The following SYNE1 variants were observed in gnomAD, a reference collection of about 807,000 sequenced individuals.
The protein encoded by SYNE1 is nesprin-1.
Under a neutral mutation model 1,111.0 loss-of-function variants are expected in SYNE1, and 616 were observed. The ratio of observed to expected loss-of-function variants is 0.55; its 90% CI spans 0.52 to 0.59. The LOEUF is 0.59. Ranked by LOEUF, SYNE1 falls within the 20% of genes least tolerant of loss-of-function variation. The pLI, the probability that SYNE1 is intolerant of heterozygous loss-of-function variation, is 0.00. For missense variants in SYNE1, 10,006 were observed against 10,417.0 expected (o/e 0.96, Z 1.72); for synonymous variants, 3,855 against 3,825.8 (o/e 1.01, Z -0.28).
chr6:152,326,820 CTT>C (rs1173762272), intron 78 of SYNE1, among the ~76,000 whole-genome samples, 187 bp from the exon 79 acceptor site: 1 of 152,116 alleles, frequency 6.6e-6, no homozygotes, highest in Non-Finnish European at 1.5e-5. Flanking sequence ...TTCTGCTATT[CTT>C]GTTATAATTT....
At chr6:152,193,740 G>A (rs111855459) in intron 127 of SYNE1, among the ~76,000 whole-genome samples, 1,823 of 152,000 alleles carry the variant, frequency 0.012, 19 homozygotes, top group Non-Finnish European at 0.015. Context: ...GGCCAGGCGC[G>A]GTAGCTCACG....
At chr6:152,317,301 T>A (rs2095754767) in intron 86 of SYNE1, among the ~76,000 whole-genome samples, 1 of 151,084 alleles carries the variant, frequency 6.6e-6, no homozygotes, top group Non-Finnish European at 1.5e-5. Flanking sequence ...TCATGGTTAA[T>A]TACAGCCTCA....
chr6:152,530,766 C>T lies in SYNE1; in HGVS notation c.130-4591G>A, dbSNP rs185322317. 5.5e-4 allele frequency among the ~76,000 whole-genome samples: 83 copies of T among 151,996 alleles called. No homozygotes were observed. The East Asian group carries it at 6.6e-3, about 12-fold the overall frequency. ...CCTCCCAAGTAGCTGGGACTACAGG[C>T]GCCCACCACCACACCCAGCTAATTT... On this transcript the variant is annotated intron_variant, in intron 4 of 145. Transcript: ENST00000367255.
chr6:152,425,571 A>T (rs2098338950), intron 38 of SYNE1, 24 bp from the exon 39 acceptor site: 1 of 1,613,862 alleles, frequency 6.2e-7, no homozygotes. Flanking sequence ...GACATTACGG[A>T]TCTCATCCTA....
chr6:152,409,325 T>G (rs2097967662), intron 43 of SYNE1, 99 bp from the exon 44 acceptor site: 1 of 1,283,382 alleles, frequency 7.8e-7, no homozygotes, highest in South Asian at 1.3e-5. Flanking sequence ...ATTGACCTTA[T>G]GCAGAAATTA....
intron 3 of SYNE1, among the ~76,000 whole-genome samples, chr6:152,556,811 CT>C (rs2099366750): frequency 6.6e-6 from 1 of 152,154 alleles, no homozygotes; most frequent in Non-Finnish European, 1.5e-5. Flanking sequence ...TGATGAAGGG[CT>C]TTCCCTGCTA....
intron 3 of SYNE1, among the ~76,000 whole-genome samples, chr6:152,622,990 T>C (rs1339075460): frequency 6.6e-6 from 1 of 152,162 alleles, no homozygotes. Flanking sequence ...TTGGCTTTTA[T>C]TGGCATGTCT....
intron 3 of SYNE1, among the ~76,000 whole-genome samples, chr6:152,613,801 G>C (rs1164545306): frequency 7.8e-6 from 1 of 128,802 alleles, no homozygotes; most frequent in East Asian, 2.8e-4. Context: ...TAGAGCAATG[G>C]AACAGAACAG....
intron 3 of SYNE1, among the ~76,000 whole-genome samples, chr6:152,575,432 C>T (rs1420760054): frequency 6.6e-6 from 1 of 152,150 alleles, no homozygotes; most frequent in Non-Finnish European, 1.5e-5. Context: ...TAGAGGTCTG[C>T]ATTGGAACAC....
rs543437113 is a variant in SYNE1 at position 152,483,131 on chromosome 6, T to C, written c.1304A>G (p.His435Arg). The C allele has an allele frequency of 3.3e-5, 54 of 1,614,242 alleles. No homozygotes were observed. Among genetic ancestry groups the C allele is most frequent in the Non-Finnish European group, 4.3e-5 (51 of 1,180,038 alleles). The change falls in exon 14 of 146, where the codon CAC becomes CGC. Residue 435 changes from histidine to arginine, a missense_variant. By Grantham distance (29) the His-to-Arg change is conservative (BLOSUM62 0). This residue lies in a region of SYNE1 where 1,971 missense variants were observed against 2,084.1 expected (regional missense o/e 0.95). Coordinates refer to ENST00000367255, the MANE Select transcript of SYNE1 (RefSeq NM_182961.4). ...TTGTATCGTGTTTGCTGTTTCCTCG[T>C]GGACCTGTTGAACGGTTATTTCCTC... ...LREEITVQQV[H>R]EETANTIQRK...
intron 3 of SYNE1, among the ~76,000 whole-genome samples, chr6:152,543,225 T>G (rs1029969734): frequency 1.3e-5 from 2 of 152,166 alleles, no homozygotes; most frequent in East Asian, 3.8e-4. Flanking sequence ...TATATTTAAA[T>G]GTTAAATTCT....
At chr6:152,614,784 C>G (rs527972377) in intron 3 of SYNE1, among the ~76,000 whole-genome samples, 152 of 152,254 alleles carry the variant, frequency 1.0e-3, no homozygotes, top group African/African-American at 3.6e-3. Flanking sequence ...ACATATACAC[C>G]ATGAAATACT....
intron 100 of SYNE1, among the ~76,000 whole-genome samples, chr6:152,264,252 T>C (rs1013705547): frequency 4.6e-5 from 6 of 129,976 alleles, no homozygotes; most frequent in Non-Finnish European, 8.2e-5. Context: ...AGGAACAACC[T>C]AGGGTGGCTG....
chr6:152,606,122 T>G (rs1395897423), intron 3 of SYNE1, among the ~76,000 whole-genome samples: 1 of 152,176 alleles, frequency 6.6e-6, no homozygotes, highest in African/African-American at 2.4e-5. Flanking sequence ...AGCCACAGTT[T>G]GTTGTCTGTA....
In SYNE1 at chr6:152,628,486, T is replaced by C. The variant is rs2099690637; in HGVS notation, c.-155A>G. ...GCAGCACTCAACAAGGAGGCAGCTC[T>C]CCCAAAGACTGAACTGCTTCTTTTT... On this transcript the variant is annotated 5_prime_UTR_variant, in exon 3 of 146. Coordinates refer to ENST00000367255, the MANE Select transcript of SYNE1 (RefSeq NM_182961.4). The C allele has an allele frequency of 1.4e-6, 1 of 726,268 alleles. No individual in the cohort carries two copies. Among genetic ancestry groups the C allele is most frequent in the African/African-American group, 1.8e-5 (1 of 56,992 alleles). The allele number at this position is 726,268 out of a possible 1,614,324, so 45.0% of individuals were successfully genotyped here. A position where few individuals can be genotyped will look rare whatever the true frequency, so the allele number is the denominator to read the frequency against.
At chr6:152,462,655 C>T in intron 20 of SYNE1, 83 bp downstream of exon 20, 2 of 1,561,244 alleles carry the variant, frequency 1.3e-6, no homozygotes, top group Non-Finnish European at 1.8e-6. Context: ...ACAGAAACAG[C>T]TTTTGCAATG....
chr6:152,174,523 T>G (rs1563219601), intron 130 of SYNE1, among the ~76,000 whole-genome samples: 1 of 152,212 alleles, frequency 6.6e-6, no homozygotes, highest in Non-Finnish European at 1.5e-5. Flanking sequence ...ACTCTCACAG[T>G]CACTGTCACA....
intron 11 of SYNE1, among the ~76,000 whole-genome samples, 168 bp downstream of exon 11, chr6:152,498,574 C>T (rs2099011832): frequency 1.3e-5 from 2 of 152,058 alleles, no homozygotes; most frequent in African/African-American, 4.8e-5. Context: ...CATTTGGTAA[C>T]ACATATGTAT....
intron 139 of SYNE1, among the ~76,000 whole-genome samples, chr6:152,140,966 C>T (rs1314679811): frequency 5.3e-5 from 8 of 152,202 alleles, no homozygotes; most frequent in Admixed American, 1.3e-4. Flanking sequence ...ACCTGGGAGG[C>T]GGAACTTGCA....
Sources: gnomAD v4.1 joint callset for allele counts (sites outside exome capture counted in the v4.1 genomes callset) on GRCh38, gnomAD v4.1.1 for gene constraint, gnomAD v4.1.1 regional missense constraint, MANE v1.5 for transcripts, NCBI Gene and HGNC (gene_info 2026-07-23, HGNC 2026-07-21) for gene names.